ZHX3: variants seen among roughly 807,000 people sequenced by gnomAD.
ZHX3 encodes zinc fingers and homeoboxes protein 3.
Under a neutral mutation model 64.5 loss-of-function variants are expected in ZHX3, and 20 were observed. That is an observed-to-expected ratio of 0.31 (90% CI 0.22 to 0.45). The LOEUF (loss-of-function observed/expected upper bound fraction) is 0.45, where lower values mean the gene tolerates loss of function less well. ZHX3 is among the 20% of genes least tolerant of loss of function. The pLI, the probability that ZHX3 is intolerant of heterozygous loss-of-function variation, is 1.00. For missense variants in ZHX3, 1,041 were observed against 1,195.8 expected, an observed-to-expected ratio of 0.87 and a Z score of 1.91; for synonymous variants, 423 against 461.6, an observed-to-expected ratio of 0.92 and a Z score of 1.07.
At chr20:41,237,323 T>C (rs1040268569) in intron 2 of ZHX3, among the ~76,000 whole-genome samples, 1 of 152,212 alleles carries the variant, frequency 6.6e-6, no homozygotes, top group African/African-American at 2.4e-5. Flanking sequence ...TGTATGTTTA[T>C]TGCGGCACTA....
chr20:41,236,255 G>A (rs1423225577), intron 2 of ZHX3, among the ~76,000 whole-genome samples: 1 of 152,116 alleles, frequency 6.6e-6, no homozygotes, highest in South Asian at 2.1e-4. Context: ...TTTCTTCACA[G>A]AATTGGAAAA....
In ZHX3 at chr20:41,184,831, G is replaced by C; in HGVS notation, c.*360C>G. On this transcript the variant is annotated 3_prime_UTR_variant, in exon 4 of 4. Coordinates refer to ENST00000683867, the MANE Select transcript of ZHX3 (RefSeq NM_001384317.1). Reference sequence around the variant, plus strand: ...AAAGTTTCTACGTAATGACAGTGTTGATAATCTGATGTTTTATTTAACATA... The same window carrying C: ...AAAGTTTCTACGTAATGACAGTGTTCATAATCTGATGTTTTATTTAACATA... The C allele has an allele frequency of 7.1e-7, 1 of 1,406,880 alleles. No individual in the cohort carries two copies. The highest frequency in any genetic ancestry group is 9.4e-7 in the Non-Finnish European group (1 of 1,062,680). 87.1% of individuals were successfully genotyped at this position (1,406,880 alleles called of 1,614,324 possible).
chr20:41,310,697 GA>G (rs1308362797), intron 1 of ZHX3, among the ~76,000 whole-genome samples: 2 of 147,394 alleles, frequency 1.4e-5, no homozygotes, highest in African/African-American at 2.5e-5. Flanking sequence ...TTTTTTTAAA[GA>G]AAGCTATCTT....
At chr20:41,283,205 G>A (rs139971439) in intron 1 of ZHX3, among the ~76,000 whole-genome samples, 9 of 152,182 alleles carry the variant, frequency 5.9e-5, no homozygotes, top group Middle Eastern at 3.4e-3. Context: ...CACCATGCCC[G>A]GCCTCAAAAC....
At chr20:41,259,316 T>C (rs1042204228) in intron 2 of ZHX3, among the ~76,000 whole-genome samples, 1 of 152,262 alleles carries the variant, frequency 6.6e-6, no homozygotes, top group African/African-American at 2.4e-5. Flanking sequence ...CATACAACTA[T>C]AGGGACTCAC....
intron 2 of ZHX3, among the ~76,000 whole-genome samples, chr20:41,223,442 A>G (rs2040078103): frequency 6.6e-6 from 1 of 152,244 alleles, no homozygotes; most frequent in African/African-American, 2.4e-5. Context: ...CAAATCAATT[A>G]TGGCACACTT....
At chr20:41,307,195 T>C (rs909277484) in intron 1 of ZHX3, among the ~76,000 whole-genome samples, 1 of 152,208 alleles carries the variant, frequency 6.6e-6, no homozygotes, top group Non-Finnish European at 1.5e-5. Context: ...CTTAGCCACC[T>C]AGAGCAAGGC....
chr20:41,290,159 A>T (rs1020429584), intron 1 of ZHX3: 3 of 152,222 alleles, frequency 2.0e-5, no homozygotes, highest in Non-Finnish European at 4.4e-5. Context: ...GTAAAAGATG[A>T]GTAACAGTTT....
Position 41,201,827 on chromosome 20 carries a change from C to A in ZHX3, c.2860+230G>T, listed in dbSNP as rs748098050. Among the ~76,000 whole-genome samples, 5 of 152,168 alleles carry A rather than the reference C, an allele frequency of 3.3e-5. No individual in the cohort carries two copies. The highest frequency in any genetic ancestry group is 2.4e-5 in the African/African-American group (1 of 41,440). On this transcript the variant is annotated intron_variant, in intron 3 of 3. Coordinates refer to ENST00000683867, the MANE Select transcript of ZHX3 (RefSeq NM_001384317.1). The surrounding 1 kb of genome is among the most constrained non-coding windows in gnomAD (Gnocchi z 5.0). ...TAGGGTCACCATGTTCCTTCCCCTG[C>A]GCAGGTTTTTAAAAACACATGAAAC...
chr20:41,216,116 G>T (rs184054361), intron 2 of ZHX3, among the ~76,000 whole-genome samples: 78 of 152,242 alleles, frequency 5.1e-4, no homozygotes, highest in African/African-American at 1.9e-3. Context: ...ATAGTCTTGA[G>T]TATTCTATAG....
In ZHX3 at chr20:41,278,140, C is replaced by T. The variant is rs895989035; in HGVS notation, c.-244-9057G>A. Among the ~76,000 whole-genome samples, 11 of 137,054 alleles carry T rather than the reference C, an allele frequency of 8.0e-5. 1 individual carries two copies. The highest frequency in any genetic ancestry group is 1.6e-4 in the Non-Finnish European group (10 of 63,028). 89.9% of individuals were successfully genotyped at this position (137,054 alleles called of 152,430 possible). On this transcript the variant is annotated intron_variant, in intron 1 of 3. Coordinates refer to ENST00000683867, the MANE Select transcript of ZHX3 (RefSeq NM_001384317.1). ...GGCAGATCACTTGAGGCCAGGAATT[C>T]GAGACTAGCCTGGCCAACATGGTGA... is the stretch of plus-strand genomic sequence containing the variant.
intron 1 of ZHX3, among the ~76,000 whole-genome samples, chr20:41,302,130 A>ACCT (rs1307857258): frequency 2.0e-5 from 3 of 149,142 alleles, no homozygotes; most frequent in Non-Finnish European, 4.4e-5. Context: ...CCAACGGTTT[A>ACCT]CCTCAAATCA....
At chr20:41,279,313 C>T (rs1013451501) in intron 1 of ZHX3, among the ~76,000 whole-genome samples, 1 of 152,080 alleles carries the variant, frequency 6.6e-6, no homozygotes, top group Non-Finnish European at 1.5e-5. Flanking sequence ...TAATCCTCAC[C>T]CCTTATATAC....
chr20:41,262,950 A>C (rs1292076357), intron 2 of ZHX3, among the ~76,000 whole-genome samples: 1 of 152,246 alleles, frequency 6.6e-6, no homozygotes, highest in Non-Finnish European at 1.5e-5. Flanking sequence ...TAGTAAATAA[A>C]TTCAGAAAAA....
At chr20:41,245,708 A>C (rs2041651437) in intron 2 of ZHX3, among the ~76,000 whole-genome samples, 1 of 152,234 alleles carries the variant, frequency 6.6e-6, no homozygotes, top group Non-Finnish European at 1.5e-5. Flanking sequence ...AATGTGCTAC[A>C]GCTCCACAGC....
chr20:41,191,448 T>C (rs2037010714), intron 3 of ZHX3, among the ~76,000 whole-genome samples: 1 of 152,224 alleles, frequency 6.6e-6, no homozygotes, highest in Admixed American at 6.5e-5. Flanking sequence ...CTCTTACATC[T>C]CATTGAGCTT....
intron 2 of ZHX3, among the ~76,000 whole-genome samples, chr20:41,209,903 C>A (rs1356879437): frequency 2.6e-5 from 4 of 152,168 alleles, no homozygotes; most frequent in Non-Finnish European, 5.9e-5. Flanking sequence ...TCAGAGTGAA[C>A]AGGCAACCTA....
intron 1 of ZHX3, among the ~76,000 whole-genome samples, chr20:41,271,718 T>C (rs1440305936): frequency 2.0e-5 from 3 of 152,220 alleles, no homozygotes; most frequent in African/African-American, 7.2e-5. Context: ...TCTCAGATCA[T>C]TTGCCAGAAT....
At chr20:41,278,710 T>A (rs543825360) in intron 1 of ZHX3, among the ~76,000 whole-genome samples, 1 of 141,268 alleles carries the variant, frequency 7.1e-6, no homozygotes, top group East Asian at 2.1e-4. Flanking sequence ...GAGGAAAAAA[T>A]TCACATAATT....
Sources: allele counts gnomAD v4.1 joint callset (sites outside exome capture counted in the v4.1 genomes callset), GRCh38; gene constraint gnomAD v4.1.1; non-coding constraint Gnocchi (gnomAD v3.1); transcripts MANE v1.5; gene names NCBI Gene and HGNC (gene_info 2026-07-23, HGNC 2026-07-21).